ZNF423: variants seen among roughly 807,000 people sequenced by gnomAD.
ZNF423 encodes the protein Ebf-associated zinc finger protein.
Under a neutral mutation model 95.8 loss-of-function variants are expected in ZNF423, and 12 were observed. The observed-to-expected ratio is 0.13, with a 90% CI of 0.08 to 0.20. ZNF423 has a LOEUF of 0.20. Among genes scored for constraint, ZNF423 ranks in the 10% least tolerant of loss-of-function variants. The pLI, the probability that ZNF423 is intolerant of heterozygous loss-of-function variation, is 1.00. For missense variants in ZNF423, 1,316 were observed against 1,737.1 expected (o/e 0.76, Z 4.31); for synonymous variants, 749 against 711.9 (o/e 1.05, Z -0.83).
chr16:49,718,309 G>A (rs1007038251), intron 3 of ZNF423, among the ~76,000 whole-genome samples: 2 of 152,160 alleles, frequency 1.3e-5, no homozygotes, highest in African/African-American at 4.8e-5. Context: ...AGGAGGCTGA[G>A]GCAGGAGAAT....
intron 5 of ZNF423, among the ~76,000 whole-genome samples, chr16:49,575,309 T>C (rs1970462626): frequency 6.6e-6 from 1 of 152,200 alleles, no homozygotes; most frequent in East Asian, 1.9e-4. Context: ...TGCCATTTCA[T>C]GTAATAATTC....
At chr16:49,518,522 T>C in intron 7 of ZNF423, 1 of 442,374 alleles carries the variant, frequency 2.3e-6, no homozygotes, top group South Asian at 1.6e-5. Context: ...TCTAGTCTTA[T>C]TGCTGCAGTA....
In ZNF423 at chr16:49,834,982, C is replaced by A. The variant is rs568681488; in HGVS notation, c.40+20753G>T. 4.6e-5 allele frequency among the ~76,000 whole-genome samples: 7 copies of A among 151,684 alleles called. No individual in the cohort carries two copies. In the East Asian group the frequency reaches 9.8e-4, roughly 21 times the overall value. Reference sequence around the variant, plus strand: ...GAAAAGCAAAACCATGTGTGCAGTGCGCCTTGGGGGGCCAGGGCTGAGCGG... The same window carrying A: ...GAAAAGCAAAACCATGTGTGCAGTGAGCCTTGGGGGGCCAGGGCTGAGCGG... On this transcript the variant is annotated intron_variant, in intron 1 of 7. Coordinates refer to ENST00000563137, the MANE Select transcript of ZNF423 (RefSeq NM_001379286.1).
At chr16:49,621,627 C>G (rs1269687345) in intron 5 of ZNF423, among the ~76,000 whole-genome samples, 1 of 152,192 alleles carries the variant, frequency 6.6e-6, no homozygotes, top group Non-Finnish European at 1.5e-5. Context: ...CTTCTACCCA[C>G]CAAGTCCCCC....
chr16:49,590,050 A>ATATATATATATATATATATG lies in ZNF423; in HGVS notation c.3601+36119_3601+36120insCATATATATATATATATATA, dbSNP rs552421632. On this transcript the variant is annotated intron_variant, in intron 5 of 7. Coordinates refer to ENST00000563137, the MANE Select transcript of ZNF423 (RefSeq NM_001379286.1). ...GGCGAATATATATATATATATATAT[A>ATATATATATATATATATATG]TTTGGTCCATACAGACGTGACCAGA... Among the ~76,000 whole-genome samples, 779 of 117,490 alleles carry ATATATATATATATATATATG rather than the reference A, an allele frequency of 6.6e-3. 86 individuals carry two copies. The highest frequency in any genetic ancestry group is 0.032 in the Middle Eastern group (6 of 186). The allele number at this position is 117,490 out of a possible 152,430, so 77.1% of individuals were successfully genotyped here.
chr16:49,714,520 T>C (rs2143176487), intron 3 of ZNF423, among the ~76,000 whole-genome samples: 1 of 151,228 alleles, frequency 6.6e-6, no homozygotes, highest in Admixed American at 6.6e-5. Context: ...TAGCCAGGTG[T>C]CTGTAATCCC....
intron 2 of ZNF423, among the ~76,000 whole-genome samples, chr16:49,736,173 G>A (rs1420750255): frequency 1.3e-5 from 2 of 152,220 alleles, no homozygotes; most frequent in Non-Finnish European, 2.9e-5. Context: ...CCCCACACAG[G>A]TAGAGGCAGA....
chr16:49,536,421 G>A (rs945623265), intron 5 of ZNF423, among the ~76,000 whole-genome samples: 2 of 141,264 alleles, frequency 1.4e-5, no homozygotes, highest in South Asian at 2.3e-4. Flanking sequence ...TGGCTCTTTA[G>A]TTTCTGGGTG....
chr16:49,573,918 C>T (rs1186736541), intron 5 of ZNF423, among the ~76,000 whole-genome samples: 1 of 152,194 alleles, frequency 6.6e-6, no homozygotes, highest in Non-Finnish European at 1.5e-5. Flanking sequence ...ATCAGGGATG[C>T]GTACATGTGG....
intron 5 of ZNF423, among the ~76,000 whole-genome samples, chr16:49,542,914 C>T (rs986870878): frequency 1.3e-5 from 2 of 152,092 alleles, no homozygotes; most frequent in Admixed American, 6.5e-5. Flanking sequence ...AAGGGTGCAG[C>T]GAGAGGTTCT....
chr16:49,599,503 G>A (rs979998281), intron 5 of ZNF423, among the ~76,000 whole-genome samples: 1 of 152,182 alleles, frequency 6.6e-6, no homozygotes, highest in Non-Finnish European at 1.5e-5. Flanking sequence ...GCAAGTGAGT[G>A]GCAGAGCCGG....
At chr16:49,783,676 A>T (rs1218004174) in intron 2 of ZNF423, among the ~76,000 whole-genome samples, 1 of 151,852 alleles carries the variant, frequency 6.6e-6, no homozygotes, top group East Asian at 1.9e-4. Flanking sequence ...TGCGCAGAAT[A>T]AAGGGGATTT....
intron 1 of ZNF423, among the ~76,000 whole-genome samples, chr16:49,826,389 G>T (rs566440992): frequency 7.9e-5 from 12 of 152,290 alleles, no homozygotes; most frequent in African/African-American, 2.9e-4. Context: ...AGCAGCAGGG[G>T]CTACCCAAAA....
At chr16:49,677,297 A>AGAAGGGAAGG (rs2031127388) in intron 3 of ZNF423, among the ~76,000 whole-genome samples, 1 of 78,336 alleles carries the variant, frequency 1.3e-5, no homozygotes. Flanking sequence ...AGAAGAGAAG[A>AGAAGGGAAGG]GAAGAGAAGA....
intron 1 of ZNF423, among the ~76,000 whole-genome samples, chr16:49,806,550 G>A (rs1391305685): frequency 6.6e-6 from 1 of 152,150 alleles, no homozygotes; most frequent in Non-Finnish European, 1.5e-5. Flanking sequence ...TCAGTTCCTG[G>A]TTATACATGT....
At chr16:49,602,513 G>A (rs565686253) in intron 5 of ZNF423, among the ~76,000 whole-genome samples, 1 of 152,280 alleles carries the variant, frequency 6.6e-6, no homozygotes, top group African/African-American at 2.4e-5. Context: ...GTTTCGGGTG[G>A]GGGGCAGTTT....
intron 2 of ZNF423, among the ~76,000 whole-genome samples, chr16:49,779,925 A>T (rs1223001554): frequency 6.6e-6 from 1 of 152,172 alleles, no homozygotes; most frequent in African/African-American, 2.4e-5. Flanking sequence ...TTGCTGGGGC[A>T]GATGGTCCCA....
At chr16:49,711,572 T>G (rs1173158542) in intron 3 of ZNF423, 1 of 152,252 alleles carries the variant, frequency 6.6e-6, no homozygotes, top group African/African-American at 2.4e-5. Flanking sequence ...AAATGCACCA[T>G]TATTTTACAG....
rs144027555 is a variant in ZNF423 at position 49,852,185 on chromosome 16, G to A, written c.40+3550C>T. Among the ~76,000 whole-genome samples, 121 of 152,200 alleles carry A rather than the reference G, an allele frequency of 8.0e-4. 1 individual carries two copies. The East Asian group carries it at 0.021, about 26-fold the overall frequency. On this transcript the variant is annotated intron_variant, in intron 1 of 7. Coordinates refer to ENST00000563137, the MANE Select transcript of ZNF423 (RefSeq NM_001379286.1). ...GAGGAGCTACACGCTGGCAGAAGAG[G>A]AAGACAAAGAAGGGGAAGGGAGTGC...
Sources: gnomAD v4.1 joint callset for allele counts (sites outside exome capture counted in the v4.1 genomes callset) on GRCh38, gnomAD v4.1.1 for gene constraint, MANE v1.5 for transcripts, NCBI Gene and HGNC (gene_info 2026-07-23, HGNC 2026-07-21) for gene names.